FAM227B: variants seen among roughly 807,000 people sequenced by gnomAD.
The protein encoded by FAM227B is family with sequence similarity 227 member B.
FAM227B carries 88 observed loss-of-function variants against 73.8 expected under a neutral mutation model. The observed-to-expected ratio is 1.19, with a 90% confidence interval of 1.00 to 1.42. The LOEUF (loss-of-function observed/expected upper bound fraction) is 1.42, where lower values mean the gene tolerates loss of function less well. FAM227B is among the 40% of genes most tolerant of loss of function. The probability of loss-of-function intolerance (pLI) is 0.00; values close to 1 mark genes in which losing one functional copy is unlikely to be tolerated. For synonymous variants in FAM227B, 210 were observed against 190.5 expected, an observed-to-expected ratio of 1.10 and a Z score of -0.84; for missense variants, 632 against 590.9, an observed-to-expected ratio of 1.07 and a Z score of -0.72.
At chr15:49,471,032 G>A (rs1222838325) in intron 11 of FAM227B, among the ~76,000 whole-genome samples, 1 of 152,158 alleles carries the variant, frequency 6.6e-6, no homozygotes, top group Non-Finnish European at 1.5e-5. Context: ...TTTTTCTTGA[G>A]TAGATGTGAA....
chr15:49,562,697 G>A (rs760905412), intron 9 of FAM227B, among the ~76,000 whole-genome samples: 49 of 151,944 alleles, frequency 3.2e-4, no homozygotes, highest in Non-Finnish European at 5.2e-4. Flanking sequence ...TTGGTTCAGC[G>A]TACACAAATC....
At chr15:49,422,392 T>A (rs1266489947) in intron 11 of FAM227B, 1 of 413,520 alleles carries the variant, frequency 2.4e-6, no homozygotes, top group African/African-American at 2.0e-5. Flanking sequence ...TAGCAATACA[T>A]ATTATAATTC....
At chr15:49,548,461 G>A (rs969563036) in intron 9 of FAM227B, among the ~76,000 whole-genome samples, 1 of 152,150 alleles carries the variant, frequency 6.6e-6, no homozygotes, top group Non-Finnish European at 1.5e-5. Flanking sequence ...ATCCATCAGT[G>A]ATACTGGTCT....
At chr15:49,449,502 A>G (rs989342653) in intron 11 of FAM227B, among the ~76,000 whole-genome samples, 1 of 152,030 alleles carries the variant, frequency 6.6e-6, no homozygotes, top group African/African-American at 2.4e-5. Context: ...CACCTAAAAT[A>G]GGATACCCAG....
intron 8 of FAM227B, among the ~76,000 whole-genome samples, chr15:49,570,906 A>C (rs2075052309): frequency 6.8e-6 from 1 of 147,708 alleles, no homozygotes; most frequent in Non-Finnish European, 1.5e-5. Context: ...ATTATTATGA[A>C]TATATTTAAT....
intron 11 of FAM227B, among the ~76,000 whole-genome samples, chr15:49,493,627 A>T (rs953140737): frequency 6.6e-6 from 1 of 151,918 alleles, no homozygotes; most frequent in African/African-American, 2.4e-5. Context: ...CTATGCCATT[A>T]ATCTAGCATT....
At position 49,595,082 on chromosome 15, in the gene FAM227B, G is replaced by A. The variant is rs138655974; in HGVS notation, c.106-5075C>T. On this transcript the variant is annotated intron_variant, in intron 3 of 15. Coordinates refer to ENST00000299338, the MANE Select transcript of FAM227B (RefSeq NM_152647.3). ...ATGAGATGTGTTTCCATTTGTTTGTGTCATCTATGATTTCTTTCAGTAGTG... is the reference window on the plus strand; with the variant it reads ...ATGAGATGTGTTTCCATTTGTTTGTATCATCTATGATTTCTTTCAGTAGTG... Among the ~76,000 whole-genome samples the A allele has an allele frequency of 5.7e-3, 869 of 152,060 alleles. 10 individuals are homozygous for A. Among genetic ancestry groups the A allele is most frequent in the African/African-American group, 0.02 (834 of 41,508 alleles).
chr15:49,520,856 G>T, intron 10 of FAM227B, among the ~76,000 whole-genome samples: 1 of 152,124 alleles, frequency 6.6e-6, no homozygotes, highest in East Asian at 1.9e-4. Flanking sequence ...CCACAGGAAA[G>T]GAAGACAGCA....
intron 11 of FAM227B, among the ~76,000 whole-genome samples, chr15:49,386,931 C>A (rs2046920395): frequency 6.6e-6 from 1 of 151,744 alleles, no homozygotes; most frequent in Non-Finnish European, 1.5e-5. Flanking sequence ...AACATACAAT[C>A]CTCCTAGATT....
At chr15:49,451,561 A>G (rs2151886978) in intron 11 of FAM227B, among the ~76,000 whole-genome samples, 1 of 152,088 alleles carries the variant, frequency 6.6e-6, no homozygotes, top group Admixed American at 6.6e-5. Context: ...ATTTTTTTCT[A>G]AATCTTCTTA....
chr15:49,384,089 A>G (rs1318733783), intron 11 of FAM227B, among the ~76,000 whole-genome samples: 1 of 152,076 alleles, frequency 6.6e-6, no homozygotes. Context: ...TTATAGGTTC[A>G]AGGTGGGTTA....
At chr15:49,360,264 G>T (rs897282328) in intron 13 of FAM227B, among the ~76,000 whole-genome samples, 1 of 151,242 alleles carries the variant, frequency 6.6e-6, no homozygotes, top group African/African-American at 2.4e-5. Flanking sequence ...GTCTGTGTAT[G>T]CATGTGTGAT....
At chr15:49,403,001 T>C (rs2048276510) in intron 11 of FAM227B, among the ~76,000 whole-genome samples, 1 of 152,234 alleles carries the variant, frequency 6.6e-6, no homozygotes, top group Non-Finnish European at 1.5e-5. Flanking sequence ...TGTTGAATTT[T>C]ATTGAAGGCC....
At chr15:49,396,937 C>T (rs922493244) in intron 11 of FAM227B, among the ~76,000 whole-genome samples, 5 of 152,176 alleles carry the variant, frequency 3.3e-5, no homozygotes, top group South Asian at 2.1e-4. Flanking sequence ...AAAAGCAGAG[C>T]GCCTCTCCTC....
chr15:49,407,477 T>G (rs548605872), intron 11 of FAM227B, among the ~76,000 whole-genome samples: 13 of 152,016 alleles, frequency 8.6e-5, no homozygotes, highest in Non-Finnish European at 1.8e-4. Context: ...GTCATCTCAG[T>G]CCCTCGGTGG....
In FAM227B at chr15:49,477,551, C is replaced by T. The variant is rs1009079272; in HGVS notation, c.1012+30660G>A. On this transcript the variant is annotated intron_variant, in intron 11 of 15. Transcript: ENST00000299338. Reference sequence around the variant, plus strand: ...TTGCTAAATAATATTCCAGTGTATACGTGTACCATAGTTTGTTTATCCATT... The same window carrying T: ...TTGCTAAATAATATTCCAGTGTATATGTGTACCATAGTTTGTTTATCCATT... 6.6e-5 allele frequency among the ~76,000 whole-genome samples: 10 copies of T among 152,088 alleles called. No individual in the cohort carries two copies. In the South Asian group the frequency reaches 8.3e-4, roughly 13 times the overall value.
Position 49,367,467 on chromosome 15 carries a change from T to C in FAM227B, c.1252A>G (p.Thr418Ala), listed in dbSNP as rs773393896. The change falls in exon 13 of 16, where the codon ACT becomes GCT. Residue 418 changes from threonine (T) to alanine (A), a missense_variant. By Grantham distance (58) the Thr-to-Ala change is moderately conservative. Transcript: ENST00000299338. Reference protein sequence around the residue: ...KAPKKTKIKLTKIFQEPLPAP... With the variant: ...KAPKKTKIKLAKIFQEPLPAP... ...GGATATGGTTCCTGGAATATCTTAG[T>C]GAGTTTAATCTTGGTTTTCTTAGGT... 6.3e-7 allele frequency: 1 copy of C among 1,589,392 alleles called. No homozygotes were observed.
intron 13 of FAM227B, among the ~76,000 whole-genome samples, chr15:49,354,452 G>A (rs988956150): frequency 6.6e-6 from 1 of 152,232 alleles, no homozygotes; most frequent in African/African-American, 2.4e-5. Flanking sequence ...AGGGGTCAGG[G>A]AGTTCCCTTT....
At chr15:49,492,728 G>A (rs2057229322) in intron 11 of FAM227B, among the ~76,000 whole-genome samples, 3 of 151,748 alleles carry the variant, frequency 2.0e-5, no homozygotes, top group South Asian at 4.2e-4. Flanking sequence ...ATATTTTATT[G>A]TCTTCTAAAT....
Sources: allele counts gnomAD v4.1 joint callset (sites outside exome capture counted in the v4.1 genomes callset), GRCh38; gene constraint gnomAD v4.1.1; transcripts MANE v1.5; gene names NCBI Gene and HGNC (gene_info 2026-07-23, HGNC 2026-07-21).